Variants in LY9 observed in about 807,000 individuals in gnomAD.
The protein encoded by LY9 is T-lymphocyte surface antigen Ly-9.
LY9 carries 59 observed loss-of-function variants against 64.6 expected under a neutral mutation model. The ratio of observed to expected loss-of-function variants is 0.91; its 90% CI spans 0.74 to 1.13. The LOEUF (loss-of-function observed/expected upper bound fraction) is 1.13, where lower values mean the gene tolerates loss of function less well. Ranked by LOEUF, LY9 falls within the 50% of genes most tolerant of loss-of-function variation. The pLI is 0.00. For synonymous variants in LY9, 281 were observed against 308.5 expected (o/e 0.91, Z 0.93); for missense variants, 789 against 797.2 (o/e 0.99, Z 0.12).
chr1:160,813,104 A>G (rs1667646635), intron 2 of LY9: 1 of 158,666 alleles, frequency 6.3e-6, no homozygotes, highest in African/African-American at 2.4e-5. Flanking sequence ...ATATAACTTA[A>G]TGAAACATTC....
intron 9 of LY9, chr1:160,824,796 G>A (rs558519370): frequency 2.3e-4 from 54 of 238,098 alleles, no homozygotes; most frequent in Admixed American, 4.7e-4. Flanking sequence ...TGGCTAACAT[G>A]GTGAAACTCC....
intron 2 of LY9, among the ~76,000 whole-genome samples, chr1:160,808,003 G>T (rs969631229): frequency 1.3e-5 from 2 of 152,146 alleles, no homozygotes; most frequent in Non-Finnish European, 2.9e-5. Flanking sequence ...AGCCGCCACC[G>T]TGAGGCCCTG....
chr1:160,799,707 T>C, intron 1 of LY9, 46 bp from the exon 2 acceptor site: 1 of 1,206,128 alleles, frequency 8.3e-7, no homozygotes, highest in South Asian at 1.4e-5. Context: ...GAAGGCTAGC[T>C]CAAGGAGTCT....
chr1:160,799,660 C>T, intron 1 of LY9, 93 bp from the exon 2 acceptor site: 1 of 773,878 alleles, frequency 1.3e-6, no homozygotes. Flanking sequence ...CAGCATCTGA[C>T]ATTTATGCCC....
At chr1:160,815,708 A>G (rs1434624056) in intron 4 of LY9, among the ~76,000 whole-genome samples, 6 of 152,200 alleles carry the variant, frequency 3.9e-5, no homozygotes, top group Admixed American at 2.6e-4. Context: ...TTTATAAACT[A>G]TTATCATTTT....
chr1:160,816,718 G>A lies in LY9; in HGVS notation c.1197G>A (p.Leu399=). ...GNTVMYTWTP[L]QKEAVVSQGE... ...CTGTCATGTACACATGGACCCCGCT[G>A]CAGAAGGAAGCTGTTGTGTCCCAAG... The change falls in exon 5 of 10, where the codon CTG becomes CTA. Residue 399 remains leucine, a synonymous_variant. Transcript: ENST00000263285. 2 of 1,614,232 alleles carry A rather than the reference G, an allele frequency of 1.2e-6. No individual in the cohort carries two copies. The highest frequency in any genetic ancestry group is 1.7e-6 in the Non-Finnish European group (2 of 1,180,046).
At position 160,816,856 on chromosome 1, in the gene LY9, C is replaced by A; in HGVS notation, c.1335C>A (p.Ile445=). ...CCCACCAGTTTCTTTCTGAGAACAT[C>A]TGTTCAGGTTTCTCTCCATCTCTAT... ...RSSHQFLSEN[I]CSGPERNTKL... Residue 445 remains isoleucine, a synonymous_variant, in exon 5 of 10, where the codon ATC becomes ATA. Coordinates refer to ENST00000263285, the MANE Select transcript of LY9 (RefSeq NM_002348.4). 1.9e-6 allele frequency: 3 copies of A among 1,614,196 alleles called. No individual in the cohort carries two copies. Among genetic ancestry groups the A allele is most frequent in the Non-Finnish European group, 2.5e-6 (3 of 1,180,032 alleles).
intron 7 of LY9, among the ~76,000 whole-genome samples, chr1:160,820,863 A>T (rs1444455821): frequency 1.3e-5 from 2 of 148,924 alleles, no homozygotes; most frequent in African/African-American, 4.9e-5. Flanking sequence ...TTTTTAATTC[A>T]AAAGTCAGAC....
Position 160,813,650 on chromosome 1 carries a change from C to A in LY9, c.469C>A (p.Pro157Thr). ...TGTCCCTGCAGAGCAGCTGCAGGAG[C>A]CCCAAGTCACCATGAAGTCTGTGAA... is the stretch of plus-strand genomic sequence containing the variant. ...TLFVYEQLQE[P>T]QVTMKSVKVS... The change falls in exon 3 of 10, where the codon CCC (proline) becomes ACC (threonine). Residue 157 changes from proline to threonine, a missense_variant. By Grantham distance (38) the Pro-to-Thr change is conservative. Transcript: ENST00000263285. 1 of 1,613,688 alleles carries A rather than the reference C, an allele frequency of 6.2e-7. No individual in the cohort carries two copies. The highest frequency in any genetic ancestry group is 8.5e-7 in the Non-Finnish European group (1 of 1,179,718).
rs750289308 is a variant in LY9, at chr1:160,814,415, C to T, written c.731-5C>T. On this transcript the variant is annotated splice_region_variant and splice_polypyrimidine_tract_variant and intron_variant, in intron 3 of 9. Coordinates refer to ENST00000263285, the MANE Select transcript of LY9 (RefSeq NM_002348.4). ...GAAGCTGCAATGTCTCATCTGTGAC[C>T]CCAGATCCAGGAGCCTCCAGAGGAG... is the stretch of plus-strand genomic sequence containing the variant. The T allele has an allele frequency of 3.8e-6, 6 of 1,599,224 alleles. No homozygotes were observed. The highest frequency in any genetic ancestry group is 2.7e-5 in the African/African-American group (2 of 74,512).
At chr1:160,822,891 C>A (rs1207743880) in intron 7 of LY9, among the ~76,000 whole-genome samples, 4 of 152,192 alleles carry the variant, frequency 2.6e-5, no homozygotes, top group Non-Finnish European at 5.9e-5. Flanking sequence ...AGGCTTTACA[C>A]CTGCCTCTAA....
At position 160,796,278 on chromosome 1, in the gene LY9, G is replaced by A. The variant is rs1665847265; in HGVS notation, c.91G>A (p.Val31Ile). 2.5e-6 allele frequency: 4 copies of A among 1,613,586 alleles called. No homozygotes were observed. The highest frequency in any genetic ancestry group is 3.4e-6 in the Non-Finnish European group (4 of 1,179,986). ...QRSQLQIFSS[V>I]LQTSLLFLLM... ...GAGTCAGCTGCAAATATTCTCTTCT[G>A]TTCTACAGACCTCTCTCCTCTTCCT... The change falls in exon 1 of 10, where the codon GTT becomes ATT. Residue 31 changes from valine to isoleucine, a missense_variant. Coordinates refer to ENST00000263285, the MANE Select transcript of LY9 (RefSeq NM_002348.4).
chr1:160,820,827 T>C (rs1430461098), intron 7 of LY9, among the ~76,000 whole-genome samples: 3 of 147,070 alleles, frequency 2.0e-5, no homozygotes, highest in Non-Finnish European at 4.5e-5. Context: ...CACCAATTTG[T>C]TGTTTAATTG....
At chr1:160,808,903 C>T (rs887550507) in intron 2 of LY9, among the ~76,000 whole-genome samples, 1 of 152,016 alleles carries the variant, frequency 6.6e-6, no homozygotes, top group Non-Finnish European at 1.5e-5. Context: ...CTATATTGAT[C>T]GTTTTTCACC....
At chr1:160,806,100 A>C (rs1219807869) in intron 2 of LY9, among the ~76,000 whole-genome samples, 3 of 152,024 alleles carry the variant, frequency 2.0e-5, no homozygotes, top group Non-Finnish European at 4.4e-5. Context: ...TAACATATAG[A>C]TGGATCATGT....
Position 160,800,719 on chromosome 1 carries a change from G to A in LY9, c.454+637G>A, listed in dbSNP as rs189710189. On this transcript the variant is annotated intron_variant, in intron 2 of 9. Transcript: ENST00000263285. ...CTCTCCCACCCTCCTACCTCTTGTA[G>A]GCTCCGCTATCCATTATTCCTACTC... 6.0e-4 allele frequency among the ~76,000 whole-genome samples: 91 copies of A among 152,206 alleles called. 1 individual carries two copies. The highest frequency in any genetic ancestry group is 6.8e-3 in the Middle Eastern group (2 of 294).
intron 7 of LY9, among the ~76,000 whole-genome samples, chr1:160,821,151 T>TAAAAAAAAAAAAAAAAAAAAAAAAAA (rs373539992): frequency 9.5e-6 from 1 of 105,094 alleles, no homozygotes; most frequent in Non-Finnish European, 1.8e-5. Flanking sequence ...GAAACTTTGC[T>TAAAAAAAAAAAAAAAAAAAAAAAAAA]AAAAAAAAAA....
At chr1:160,803,119 T>C (rs1457830560) in intron 2 of LY9, among the ~76,000 whole-genome samples, 1 of 151,940 alleles carries the variant, frequency 6.6e-6, no homozygotes, top group Non-Finnish European at 1.5e-5. Context: ...CCGTCTATAC[T>C]AAAAATACAA....
At chr1:160,796,386 A>AT in intron 1 of LY9, 75 bp downstream of exon 1, 1 of 1,432,160 alleles carries the variant, frequency 7.0e-7, no homozygotes, top group Non-Finnish European at 9.3e-7. Context: ...TGCCTGGGAG[A>AT]TTCTTTTTTT....
Sources: allele counts gnomAD v4.1 joint callset (sites outside exome capture counted in the v4.1 genomes callset), GRCh38; gene constraint gnomAD v4.1.1; transcripts MANE v1.5; gene names NCBI Gene and HGNC (gene_info 2026-07-23, HGNC 2026-07-21).